The following NRG1 variants were observed in gnomAD, a reference collection of about 807,000 sequenced individuals.
NRG1 encodes the protein neuregulin 1, also known as pro-neuregulin-1, membrane-bound isoform.
NRG1 carries 18 observed loss-of-function variants against 63.8 expected under a neutral mutation model. The ratio of observed to expected loss-of-function variants is 0.28; its 90% confidence interval spans 0.19 to 0.42. The LOEUF (loss-of-function observed/expected upper bound fraction) is 0.42, where lower values mean the gene tolerates loss of function less well. Ranked by LOEUF, NRG1 falls within the 10% of genes least tolerant of loss-of-function variation. NRG1 has a pLI of 1.00. For synonymous variants in NRG1, 302 were observed against 301.3 expected (o/e 1.00, Z -0.02); for missense variants, 762 against 814.7 (o/e 0.94, Z 0.79).
In NRG1 at chr8:32,516,820, A is replaced by G. The variant is rs147045605; in HGVS notation, c.38-79008A>G. 3.6e-3 allele frequency among the ~76,000 whole-genome samples: 544 copies of G among 152,292 alleles called. 1 individual carries two copies. Among genetic ancestry groups the G allele is most frequent in the Non-Finnish European group, 6.4e-3 (434 of 68,014 alleles). ...TCTTAGTTAATAGAAGTCATAGTAC[A>G]TAAGAAGGTAAGAGTGTCAAATTAT... On this transcript the variant is annotated intron_variant, in intron 1 of 10. Coordinates refer to the NRG1 transcript ENST00000519301.
At chr8:32,399,634 G>T (rs1812912939) in intron 1 of NRG1, among the ~76,000 whole-genome samples, 1 of 152,258 alleles carries the variant, frequency 6.6e-6, no homozygotes, top group African/African-American at 2.4e-5. Flanking sequence ...GAACCCCAGG[G>T]CAAAGGTATT....
At chr8:32,313,025 C>T (rs4509275) in intron 1 of NRG1, among the ~76,000 whole-genome samples, 34,599 of 151,720 alleles carry the variant, frequency 0.23, 4,748 homozygotes, top group East Asian at 0.63. Context: ...TGGTGGTGGA[C>T]GCCTGTAATC....
intron 1 of NRG1, among the ~76,000 whole-genome samples, chr8:31,646,530 C>T (rs536425705): frequency 6.6e-6 from 1 of 152,278 alleles, no homozygotes; most frequent in South Asian, 2.1e-4. Context: ...ATACTATCAT[C>T]CCAAATGGTT....
chr8:32,083,351 A>G (rs1306482964), intron 1 of NRG1, among the ~76,000 whole-genome samples: 1 of 152,162 alleles, frequency 6.6e-6, no homozygotes, highest in Non-Finnish European at 1.5e-5. Flanking sequence ...TGGCCTTGCA[A>G]CTCTACTTCG....
intron 1 of NRG1, among the ~76,000 whole-genome samples, chr8:31,792,598 C>T (rs73590183): frequency 3.3e-3 from 510 of 152,312 alleles, no homozygotes; most frequent in African/African-American, 0.012. Flanking sequence ...TACTGCTGTT[C>T]ATTGTAGGGC....
At chr8:31,898,518 C>T (rs1585597844) in intron 1 of NRG1, among the ~76,000 whole-genome samples, 1 of 152,010 alleles carries the variant, frequency 6.6e-6, no homozygotes, top group Non-Finnish European at 1.5e-5. Context: ...GTGTTCTGAT[C>T]TGCTGCTCTA....
At chr8:32,727,063 A>C (rs1025904242) in intron 5 of NRG1, among the ~76,000 whole-genome samples, 1 of 152,166 alleles carries the variant, frequency 6.6e-6, no homozygotes, top group South Asian at 2.1e-4. Context: ...TGGTGTTCCC[A>C]ATGATATGAG....
intron 5 of NRG1, among the ~76,000 whole-genome samples, chr8:32,701,146 A>G (rs1814769773): frequency 6.6e-6 from 1 of 152,232 alleles, no homozygotes; most frequent in South Asian, 2.1e-4. Flanking sequence ...TGGAAGTAAC[A>G]TTCATGCTTC....
At position 32,313,300 on chromosome 8, in the gene NRG1, C is replaced by A. The variant is rs1857027422; in HGVS notation, c.38-282528C>A. Among the ~76,000 whole-genome samples the A allele has an allele frequency of 2.0e-5, 3 of 152,248 alleles. No individual in the cohort carries two copies. The South Asian group carries it at 6.2e-4, about 32-fold the overall frequency. Reference sequence around the variant, plus strand: ...GAGGCAACTTCTACTGCCCTTGCTACCTTTGGTGTGACCTGAAACCCCCTT... The same window carrying A: ...GAGGCAACTTCTACTGCCCTTGCTAACTTTGGTGTGACCTGAAACCCCCTT... On this transcript the variant is annotated intron_variant, in intron 1 of 10. Coordinates refer to the NRG1 transcript ENST00000519301.
intron 1 of NRG1, among the ~76,000 whole-genome samples, chr8:32,341,164 TG>T (rs1180200435): frequency 1.3e-5 from 2 of 152,224 alleles, no homozygotes; most frequent in Non-Finnish European, 2.9e-5. Context: ...CCCAGCTTCT[TG>T]TATACATTTA....
At chr8:32,022,514 TA>T (rs1457283121) in intron 1 of NRG1, among the ~76,000 whole-genome samples, 2 of 152,186 alleles carry the variant, frequency 1.3e-5, no homozygotes, top group African/African-American at 4.8e-5. Flanking sequence ...TTAAGTGGTC[TA>T]GAGTATATTC....
At chr8:32,152,773 C>T (rs1353129900) in intron 1 of NRG1, among the ~76,000 whole-genome samples, 1 of 152,108 alleles carries the variant, frequency 6.6e-6, no homozygotes, top group Non-Finnish European at 1.5e-5. Context: ...TTTGCTCATC[C>T]ACTTTCAAGT....
At chr8:31,881,293 A>G (rs2129612739) in intron 1 of NRG1, among the ~76,000 whole-genome samples, 1 of 152,268 alleles carries the variant, frequency 6.6e-6, no homozygotes, top group South Asian at 2.1e-4. Flanking sequence ...TTAATCTGTT[A>G]TGGTGATCTG....
chr8:32,327,928 A>G lies in NRG1; in HGVS notation c.38-267900A>G, dbSNP rs1487582642. On this transcript the variant is annotated intron_variant, in intron 1 of 10. Transcript: ENST00000519301. ...AGAAAAAGTCACCAACTCTATCATCATAAGAAAACTGAGTTGAGGGCAGAA... is the reference window on the plus strand; with the variant it reads ...AGAAAAAGTCACCAACTCTATCATCGTAAGAAAACTGAGTTGAGGGCAGAA... 3.3e-5 allele frequency among the ~76,000 whole-genome samples: 5 copies of G among 152,228 alleles called. No individual in the cohort carries two copies. The South Asian group carries it at 1.0e-3, about 32-fold the overall frequency.
At chr8:32,031,734 A>C (rs1011716691) in intron 1 of NRG1, among the ~76,000 whole-genome samples, 1 of 152,062 alleles carries the variant, frequency 6.6e-6, no homozygotes, top group African/African-American at 2.4e-5. Context: ...TTCCTGCATT[A>C]GTTTGCTGAG....
intron 1 of NRG1, chr8:32,063,562 A>G (rs1183887157): frequency 6.6e-6 from 1 of 152,154 alleles, no homozygotes; most frequent in African/African-American, 2.4e-5. Context: ...TAATAGTCTA[A>G]TCATTATACA....
In NRG1 at chr8:31,639,690, G is replaced by T. The variant is rs1803540749; in HGVS notation, c.37+259G>T. On this transcript the variant is annotated intron_variant, in intron 1 of 10. Coordinates refer to the NRG1 transcript ENST00000519301. ...GCGGCGGCGGCGCGGGGGGTGGGGG[G>T]ACCTGTCACTCCCTGTAACTGAGGC... 3 of 1,400,674 alleles carry T rather than the reference G, an allele frequency of 2.1e-6. No individual in the cohort carries two copies. In the South Asian group the frequency reaches 4.7e-5, roughly 22 times the overall value. The allele number at this position is 1,400,674 out of a possible 1,614,324, so 86.8% of individuals were successfully genotyped here.
chr8:31,759,192 C>T (rs1817279943), intron 1 of NRG1, among the ~76,000 whole-genome samples: 1 of 152,082 alleles, frequency 6.6e-6, no homozygotes, highest in Non-Finnish European at 1.5e-5. Flanking sequence ...ATGTAGCTTG[C>T]CTTTTCAATT....
chr8:32,298,634 A>G (rs1283215030), intron 1 of NRG1, among the ~76,000 whole-genome samples: 1 of 151,338 alleles, frequency 6.6e-6, no homozygotes, highest in Non-Finnish European at 1.5e-5. Context: ...GAATCGCTTG[A>G]ACCCAGGAGG....
Sources: allele counts gnomAD v4.1 joint callset (sites outside exome capture counted in the v4.1 genomes callset), GRCh38; gene constraint gnomAD v4.1.1; transcripts MANE v1.5; gene names NCBI Gene and HGNC (gene_info 2026-07-23, HGNC 2026-07-21).